The following CIP2A variants were observed in gnomAD, a reference collection of about 807,000 sequenced individuals.
CIP2A encodes the protein cellular inhibitor of PP2A.
CIP2A carries 103 observed loss-of-function variants against 110.9 expected under a neutral mutation model. The ratio of observed to expected loss-of-function variants is 0.93; its 90% CI spans 0.79 to 1.09. The LOEUF is 1.09. CIP2A is among the 50% of genes least tolerant of loss of function. The pLI, the probability that CIP2A is intolerant of heterozygous loss-of-function variation, is 0.00. For missense variants in CIP2A, 1,088 were observed against 1,038.4 expected (o/e 1.05, Z -0.66); for synonymous variants, 381 against 361.6 (o/e 1.05, Z -0.61).
At chr3:108,584,925 CAA>C in intron 2 of CIP2A, 138 bp downstream of exon 2, 1 of 638,544 alleles carries the variant, frequency 1.6e-6, no homozygotes, top group Non-Finnish European at 2.5e-6. Flanking sequence ...TCCTCAGTGT[CAA>C]AAGATTCACA....
chr3:108,571,273 G>A (rs1391481378), intron 8 of CIP2A, among the ~76,000 whole-genome samples: 1 of 152,088 alleles, frequency 6.6e-6, no homozygotes, highest in Non-Finnish European at 1.5e-5. Flanking sequence ...AAAATACTAT[G>A]TACTGTATAC....
At chr3:108,582,940 G>C in intron 3 of CIP2A, 37 bp downstream of exon 3, 1 of 1,274,306 alleles carries the variant, frequency 7.8e-7, no homozygotes, top group Non-Finnish European at 1.1e-6. Flanking sequence ...TGATCTGACA[G>C]TAAGGAAAGG....
intron 8 of CIP2A, among the ~76,000 whole-genome samples, chr3:108,575,608 TCA>T (rs1938579599): frequency 1.4e-5 from 2 of 144,730 alleles, no homozygotes; most frequent in African/African-American, 2.7e-5. Context: ...GTATATATAC[TCA>T]TATACATGTG....
intron 17 of CIP2A, among the ~76,000 whole-genome samples, chr3:108,556,970 A>C (rs973905018): frequency 3.9e-5 from 6 of 152,174 alleles, no homozygotes; most frequent in African/African-American, 7.2e-5. Context: ...CTCCCAAATG[A>C]CTGCTGACTG....
chr3:108,557,950 C>T (rs959102354), intron 16 of CIP2A, among the ~76,000 whole-genome samples: 1 of 152,096 alleles, frequency 6.6e-6, no homozygotes, highest in African/African-American at 2.4e-5. Context: ...TTGGTTCCCC[C>T]CAGCCCTTTG....
chr3:108,560,871 A>T, intron 13 of CIP2A, 30 bp from the exon 14 acceptor site: 1 of 1,447,862 alleles, frequency 6.9e-7, no homozygotes, highest in Non-Finnish European at 9.2e-7. Flanking sequence ...AGGAAAAAAA[A>T]ATTATACGAA....
chr3:108,574,840 A>G (rs1938514569), intron 8 of CIP2A: 1 of 153,698 alleles, frequency 6.5e-6, no homozygotes, highest in South Asian at 1.8e-4. Context: ...GTCCATCCAC[A>G]CAAATCTGCA....
At chr3:108,576,142 T>C in intron 8 of CIP2A, 129 bp downstream of exon 8, 1 of 557,286 alleles carries the variant, frequency 1.8e-6, no homozygotes, top group Non-Finnish European at 3.2e-6. Context: ...ACTGGCTACA[T>C]AATTGTGTCC....
chr3:108,575,636 A>ACG (rs1576313179), intron 8 of CIP2A, among the ~76,000 whole-genome samples: 3 of 135,590 alleles, frequency 2.2e-5, no homozygotes, highest in East Asian at 2.1e-4. Flanking sequence ...ATACGTGTAT[A>ACG]TATACTCATA....
intron 17 of CIP2A, 76 bp downstream of exon 17, chr3:108,557,142 T>C: frequency 1.1e-6 from 1 of 911,248 alleles, no homozygotes; most frequent in Non-Finnish European, 1.6e-6. Context: ...ACAAAAGGAT[T>C]TTCGGGTCTC....
At chr3:108,574,089 G>C (rs1938486317) in intron 8 of CIP2A, among the ~76,000 whole-genome samples, 1 of 151,946 alleles carries the variant, frequency 6.6e-6, no homozygotes, top group South Asian at 2.1e-4. Context: ...TGAGTAAAAA[G>C]GCAACTCACA....
intron 13 of CIP2A, among the ~76,000 whole-genome samples, chr3:108,562,908 A>AAC: frequency 6.6e-6 from 1 of 152,274 alleles, no homozygotes; most frequent in Non-Finnish European, 1.5e-5. Context: ...GTACCTGAAG[A>AAC]ACATTTAACT....
In CIP2A at chr3:108,571,167, C is replaced by T. The variant is rs570982695; in HGVS notation, c.895-1560G>A. On this transcript the variant is annotated intron_variant, in intron 8 of 20. Transcript: ENST00000295746. ...AACAACAATACCTTCTTCTGGAATACCTCCTGAAAGACCTGCCTGGCTGTT... is the reference window on the plus strand; with the variant it reads ...AACAACAATACCTTCTTCTGGAATATCTCCTGAAAGACCTGCCTGGCTGTT... 2.0e-5 allele frequency among the ~76,000 whole-genome samples: 3 copies of T among 152,262 alleles called. No homozygotes were observed. In the South Asian group the frequency reaches 6.2e-4, roughly 32 times the overall value.
At chr3:108,576,077 G>T (rs1371467687) in intron 8 of CIP2A, among the ~76,000 whole-genome samples, 194 bp downstream of exon 8, 1 of 151,802 alleles carries the variant, frequency 6.6e-6, no homozygotes, top group Non-Finnish European at 1.5e-5. Flanking sequence ...CTGACTAAAA[G>T]GGAGCACAAG....
At chr3:108,561,135 G>C (rs1457910081) in intron 13 of CIP2A, among the ~76,000 whole-genome samples, 1 of 152,070 alleles carries the variant, frequency 6.6e-6, no homozygotes, top group Non-Finnish European at 1.5e-5. Flanking sequence ...TATTGGTACT[G>C]GTCAGAATAA....
intron 13 of CIP2A, among the ~76,000 whole-genome samples, chr3:108,561,561 C>T (rs1208442381): frequency 6.6e-6 from 1 of 152,004 alleles, no homozygotes; most frequent in African/African-American, 2.4e-5. Flanking sequence ...CCCCGCTACT[C>T]AGGGGGTTGA....
At chr3:108,579,520 A>G (rs767211190) in intron 6 of CIP2A, 46 bp downstream of exon 6, 1 of 1,566,610 alleles carries the variant, frequency 6.4e-7, no homozygotes, top group Non-Finnish European at 8.7e-7. Flanking sequence ...GACTTTTAAA[A>G]TATCAGACTA....
At chr3:108,574,975 G>GCT (rs1369245340) in intron 8 of CIP2A, 1 of 152,434 alleles carries the variant, frequency 6.6e-6, no homozygotes, top group African/African-American at 2.4e-5. Flanking sequence ...AGACATGGCG[G>GCT]CTGAGAAGTG....
chr3:108,584,332 C>T (rs1390487819), intron 2 of CIP2A, among the ~76,000 whole-genome samples: 1 of 152,050 alleles, frequency 6.6e-6, no homozygotes, highest in African/African-American at 2.4e-5. Context: ...ATTAAAGATC[C>T]AAAAGTATTG....
Sources: allele counts gnomAD v4.1 joint callset (sites outside exome capture counted in the v4.1 genomes callset), GRCh38; gene constraint gnomAD v4.1.1; transcripts MANE v1.5; gene names NCBI Gene and HGNC (gene_info 2026-07-23, HGNC 2026-07-21).